Variants in MMP16 observed in about 807,000 individuals in gnomAD.
MMP16 encodes matrix metalloproteinase-16.
MMP16 carries 12 observed loss-of-function variants against 67.8 expected under a neutral mutation model. The observed-to-expected ratio is 0.18, with a 90% CI of 0.11 to 0.29. MMP16 has a LOEUF of 0.29. Ranked by LOEUF, MMP16 falls within the 10% of genes least tolerant of loss-of-function variation. The pLI, the probability that MMP16 is intolerant of heterozygous loss-of-function variation, is 1.00. For missense variants in MMP16, 475 were observed against 765.7 expected (o/e 0.62, Z 4.48); for synonymous variants, 249 against 255.9 (o/e 0.97, Z 0.26).
intron 4 of MMP16, among the ~76,000 whole-genome samples, chr8:88,144,222 C>T (rs747044038): frequency 2.1e-4 from 32 of 151,830 alleles, no homozygotes; most frequent in Non-Finnish European, 4.0e-4. Context: ...AGTAAACATA[C>T]CAGAGCTAAA....
chr8:88,084,201 G>A (rs1426922798), intron 6 of MMP16, among the ~76,000 whole-genome samples: 1 of 152,012 alleles, frequency 6.6e-6, no homozygotes, highest in Non-Finnish European at 1.5e-5. Context: ...ATCAGTGATA[G>A]TGGACATCTT....
At chr8:88,259,869 C>T (rs1365791080) in intron 1 of MMP16, among the ~76,000 whole-genome samples, 1 of 152,198 alleles carries the variant, frequency 6.6e-6, no homozygotes, top group African/African-American at 2.4e-5. Flanking sequence ...TGGAAAGAAT[C>T]TGACTTGAAG....
chr8:88,200,565 C>T (rs970978114), intron 1 of MMP16, among the ~76,000 whole-genome samples: 13 of 151,974 alleles, frequency 8.6e-5, no homozygotes, highest in African/African-American at 1.9e-4. Context: ...GACTGTTGTT[C>T]TCTGCAGAGT....
intron 6 of MMP16, among the ~76,000 whole-genome samples, chr8:88,114,583 T>A (rs995045070): frequency 6.6e-5 from 10 of 151,932 alleles, no homozygotes; most frequent in Admixed American, 6.6e-4. Flanking sequence ...AAAGATGAGA[T>A]AAAAACAAAA....
intron 4 of MMP16, among the ~76,000 whole-genome samples, chr8:88,163,352 A>C (rs559656583): frequency 6.6e-6 from 1 of 152,228 alleles, no homozygotes; most frequent in Admixed American, 6.6e-5. Flanking sequence ...TTGATGTCTC[A>C]GATGACATCT....
intron 6 of MMP16, among the ~76,000 whole-genome samples, chr8:88,083,722 CT>C (rs1312880556): frequency 6.6e-6 from 1 of 151,914 alleles, no homozygotes; most frequent in Non-Finnish European, 1.5e-5. Flanking sequence ...TGAGAGTTAG[CT>C]TTTTAGAGAA....
At chr8:88,258,217 G>T (rs145680141) in intron 1 of MMP16, among the ~76,000 whole-genome samples, 1 of 152,040 alleles carries the variant, frequency 6.6e-6, no homozygotes, top group Non-Finnish European at 1.5e-5. Flanking sequence ...TTTGTCCAGG[G>T]TGCCTGTGCT....
At chr8:88,091,033 T>G (rs926276522) in intron 6 of MMP16, among the ~76,000 whole-genome samples, 1 of 151,812 alleles carries the variant, frequency 6.6e-6, no homozygotes, top group African/African-American at 2.4e-5. Flanking sequence ...GTAACTTAAT[T>G]TGGGGGCTTA....
At chr8:88,192,093 A>T (rs1809177559) in intron 2 of MMP16, among the ~76,000 whole-genome samples, 1 of 152,262 alleles carries the variant, frequency 6.6e-6, no homozygotes, top group Admixed American at 6.5e-5. Flanking sequence ...TACTATTTAT[A>T]GTAGTCCCCA....
At chr8:88,205,703 T>C (rs988949229) in intron 1 of MMP16, among the ~76,000 whole-genome samples, 2 of 152,160 alleles carry the variant, frequency 1.3e-5, no homozygotes, top group Non-Finnish European at 2.9e-5. Flanking sequence ...CTTACTATAG[T>C]CTCAAGGTTG....
intron 7 of MMP16, among the ~76,000 whole-genome samples, chr8:88,064,237 A>G (rs895743160): frequency 6.6e-6 from 1 of 152,166 alleles, no homozygotes; most frequent in Non-Finnish European, 1.5e-5. Context: ...TTAGAAAACA[A>G]ATTCCTTAAC....
chr8:88,130,574 C>T (rs1240566788), intron 4 of MMP16, among the ~76,000 whole-genome samples: 3 of 151,578 alleles, frequency 2.0e-5, no homozygotes, highest in East Asian at 1.9e-4. Flanking sequence ...AGTGTAGGTG[C>T]AGCAAAATAT....
At chr8:88,064,407 G>T (rs1320312840) in intron 7 of MMP16, among the ~76,000 whole-genome samples, 3 of 152,174 alleles carry the variant, frequency 2.0e-5, no homozygotes, top group African/African-American at 7.2e-5. Context: ...GTTAGATTAT[G>T]TTATTTAATG....
chr8:88,095,156 A>G lies in MMP16; in HGVS notation c.1084-20413T>C, dbSNP rs182220771. Reference sequence around the variant, plus strand: ...ATGCTTAGTGATATGGAGGAAAAGAAGTCAATAATTTGCTAAAAGACTTTT... The same window carrying G: ...ATGCTTAGTGATATGGAGGAAAAGAGGTCAATAATTTGCTAAAAGACTTTT... On this transcript the variant is annotated intron_variant, in intron 6 of 9. Coordinates refer to ENST00000286614, the MANE Select transcript of MMP16 (RefSeq NM_005941.5). 8.2e-4 allele frequency among the ~76,000 whole-genome samples: 125 copies of G among 151,994 alleles called. 2 individuals are homozygous for G. Among genetic ancestry groups the G allele is most frequent in the Admixed American group, 4.3e-3 (66 of 15,208 alleles).
chr8:88,321,404 G>A (rs539028523), intron 1 of MMP16, among the ~76,000 whole-genome samples: 59 of 152,166 alleles, frequency 3.9e-4, no homozygotes, highest in Non-Finnish European at 7.4e-4. Context: ...ACTTGTAGAT[G>A]ATATTTGTTT....
At chr8:88,217,366 C>T (rs1809611041) in intron 1 of MMP16, among the ~76,000 whole-genome samples, 1 of 152,066 alleles carries the variant, frequency 6.6e-6, no homozygotes, top group Non-Finnish European at 1.5e-5. Context: ...CTCACATATA[C>T]ATGTGCCCAT....
chr8:88,063,182 C>T (rs1045300536), intron 7 of MMP16, among the ~76,000 whole-genome samples: 2 of 152,032 alleles, frequency 1.3e-5, no homozygotes, highest in Non-Finnish European at 2.9e-5. Flanking sequence ...TCATCTATTG[C>T]AGTGATTTTT....
At chr8:88,155,547 T>C (rs890980555) in intron 4 of MMP16, among the ~76,000 whole-genome samples, 1 of 152,160 alleles carries the variant, frequency 6.6e-6, no homozygotes, top group African/African-American at 2.4e-5. Flanking sequence ...TGTTTGCTTA[T>C]GTATTTTGCT....
intron 1 of MMP16, among the ~76,000 whole-genome samples, chr8:88,257,721 G>T (rs1810325373): frequency 6.6e-6 from 1 of 152,132 alleles, no homozygotes; most frequent in Non-Finnish European, 1.5e-5. Flanking sequence ...TTGTTAATCT[G>T]ACTAAATGAA....
Sources: gnomAD v4.1 joint callset for allele counts (sites outside exome capture counted in the v4.1 genomes callset) on GRCh38, gnomAD v4.1.1 for gene constraint, MANE v1.5 for transcripts, NCBI Gene and HGNC (gene_info 2026-07-23, HGNC 2026-07-21) for gene names.